FGFR1: variants seen among roughly 807,000 people sequenced by gnomAD.
FGFR1 encodes the protein FGFR1/PLAG1 fusion.
FGFR1 carries 18 observed loss-of-function variants against 93.7 expected under a neutral mutation model. The ratio of observed to expected loss-of-function variants is 0.19; its 90% CI spans 0.13 to 0.28. FGFR1 has a LOEUF of 0.28. Ranked by LOEUF, FGFR1 falls within the 10% of genes least tolerant of loss-of-function variation. FGFR1 has a pLI of 1.00. For synonymous variants in FGFR1, 448 were observed against 429.3 expected (o/e 1.04, Z -0.54); for missense variants, 731 against 1,080.4 (o/e 0.68, Z 4.53).
chr8:38,465,897 A>AATT (rs1835385673), intron 1 of FGFR1: 1 of 224,698 alleles, frequency 4.5e-6, no homozygotes, highest in Non-Finnish European at 8.9e-6. Flanking sequence ...CAGTCACCTT[A>AATT]ATTACCACGT....
chr8:38,458,300 G>A (rs1182460049), intron 1 of FGFR1, among the ~76,000 whole-genome samples: 2 of 152,136 alleles, frequency 1.3e-5, no homozygotes, highest in African/African-American at 4.8e-5. Context: ...CAGCACTTCG[G>A]GAGGCTAAGG....
chr8:38,454,931 T>C (rs1316525038), intron 2 of FGFR1, among the ~76,000 whole-genome samples: 1 of 151,988 alleles, frequency 6.6e-6, no homozygotes, highest in Non-Finnish European at 1.5e-5. Flanking sequence ...ACTTTTCAAG[T>C]TTCCCAGCAT....
intron 1 of FGFR1, 45 bp from the exon 2 acceptor site, chr8:38,457,579 G>C (rs2151355801): frequency 2.6e-6 from 4 of 1,532,940 alleles, no homozygotes; most frequent in Non-Finnish European, 3.5e-6. Context: ...GGTCTAGGTA[G>C]GGGAGGGGAA....
At chr8:38,423,277 A>T in intron 7 of FGFR1, 2 of 606,702 alleles carry the variant, frequency 3.3e-6, no homozygotes, top group Non-Finnish European at 6.1e-6. Context: ...GAGCGAAGGG[A>T]GATGTTAAGT....
rs1416395686 is a variant in FGFR1, at chr8:38,419,622, T to C, written c.1195A>G (p.Met399Val). The C allele has an allele frequency of 6.2e-7, 1 of 1,613,918 alleles. No homozygotes were observed. The highest frequency in any genetic ancestry group is 8.5e-7 in the Non-Finnish European group (1 of 1,180,008). The change falls in exon 9 of 18, where the codon ATG (methionine) becomes GTG (valine). Residue 399 changes from methionine to valine, a missense_variant. This residue lies in a region of FGFR1 where 146 missense variants were observed against 173.0 expected (regional missense o/e 0.84). Transcript: ENST00000447712. ...CMVGSVIVYK[M>V]KSGTKKSDFH... ...TCACTCTTCTTGGTACCACTCTTCA[T>C]CTTGTAGACGATGACCGACCCCACC...
chr8:38,417,331 G>A lies in FGFR1; in HGVS notation c.1638C>T (p.Asn546=), dbSNP rs779707422. 5 of 1,613,628 alleles carry A rather than the reference G, an allele frequency of 3.1e-6. No homozygotes were observed. Among genetic ancestry groups the A allele is most frequent in the East Asian group, 2.2e-5 (1 of 44,884 alleles). Residue 546 remains asparagine (N), a synonymous_variant, in exon 12 of 18, where the codon AAC becomes AAT. Transcript: ENST00000447712. ...CATCCTGCGTGCAGGCCCCCAGCAG[G>A]TTGATGATATTCTTATGCTTCCCGA... ...KMIGKHKNII[N]LLGACTQDGP... is the part of the protein sequence containing the mutation.
intron 9 of FGFR1, 48 bp downstream of exon 9, chr8:38,419,485 C>G (rs1461986770): frequency 6.5e-7 from 1 of 1,535,876 alleles, no homozygotes. Flanking sequence ...GCATTAGAGG[C>G]CCAGAGAGAG....
At chr8:38,447,587 T>G (rs771077427) in intron 2 of FGFR1, among the ~76,000 whole-genome samples, 3 of 152,174 alleles carry the variant, frequency 2.0e-5, no homozygotes, top group Non-Finnish European at 2.9e-5. Flanking sequence ...GTTCAAGCTA[T>G]TCTCCTGCCT....
chr8:38,418,118 G>A (rs1477215255), intron 10 of FGFR1, 110 bp downstream of exon 10: 23 of 1,603,574 alleles, frequency 1.4e-5, no homozygotes, highest in Non-Finnish European at 2.0e-5. Flanking sequence ...TGTTTCTGCA[G>A]GCATTTCATG....
chr8:38,415,801 C>G (rs750599280), intron 13 of FGFR1, 69 bp downstream of exon 13: 1 of 1,484,630 alleles, frequency 6.7e-7, no homozygotes, highest in East Asian at 2.3e-5. Flanking sequence ...TGATAAGTCA[C>G]AGGCTGGAAG....
rs1044453270 is a variant in FGFR1 at position 38,431,424 on chromosome 8, C to A, written c.92-1476G>T. 3.3e-5 allele frequency among the ~76,000 whole-genome samples: 5 copies of A among 152,208 alleles called. 1 individual carries two copies. In the South Asian group the frequency reaches 1.0e-3, roughly 32 times the overall value. ...CCCCAGCACCTACTACGATGCCTGG[C>A]GCCCAGGAGTTGCTCAAGAAATGCT... is the stretch of plus-strand genomic sequence containing the variant. On this transcript the variant is annotated intron_variant, in intron 2 of 17. Transcript: ENST00000447712.
chr8:38,448,582 C>T (rs1830114687), intron 2 of FGFR1, among the ~76,000 whole-genome samples: 1 of 152,082 alleles, frequency 6.6e-6, no homozygotes, highest in African/African-American at 2.4e-5. Flanking sequence ...CTATAGAGAA[C>T]TTTGCTCTAG....
chr8:38,429,727 T>G lies in FGFR1; in HGVS notation c.313A>C (p.Ser105Arg), dbSNP rs2150956842. ...TAGGTGGTGTCACTGCCCGAGGGGC[T>G]GCTGGTTACGCAAGCATAGAGGCCG... ...DSGLYACVTS[S>R]PSGSDTTYFS... is the part of the protein sequence containing the mutation. Residue 105 changes from serine to arginine, a missense_variant, in exon 3 of 18, where the codon AGC (serine) becomes CGC (arginine). Around this residue, in one of 10 missense-constraint regions of FGFR1, gnomAD observed 212 missense variants for 205.8 expected, o/e 1.03. Coordinates refer to ENST00000447712, the MANE Select transcript of FGFR1 (RefSeq NM_023110.3). This position sits in a 1 kb window ranked among gnomAD's most constrained non-coding sequence, Gnocchi z 4.4. The G allele has an allele frequency of 6.3e-7, 1 of 1,580,906 alleles. No homozygotes were observed. The highest frequency in any genetic ancestry group is 8.6e-7 in the Non-Finnish European group (1 of 1,163,092).
In FGFR1 at chr8:38,411,494, CAG is replaced by C. The variant is rs1814405591; in HGVS notation, c.*2132_*2133del. On this transcript the variant is annotated 3_prime_UTR_variant, in exon 18 of 18. Coordinates refer to ENST00000447712, the MANE Select transcript of FGFR1 (RefSeq NM_023110.3). The stretch of plus-strand genomic sequence containing the variant: ...TTGTAATGTTAGCAGGTGCTATTTA[CAG>C]AGAGAAACAAAGAGAATTTTACAAT... 4.4e-6 allele frequency: 1 copy of C among 227,854 alleles called. No individual in the cohort carries two copies. Among genetic ancestry groups the C allele is most frequent in the African/African-American group, 2.2e-5 (1 of 45,014 alleles). 14.1% of individuals were successfully genotyped at this position (227,854 alleles called of 1,614,324 possible).
intron 2 of FGFR1, chr8:38,430,902 T>A (rs1177505895): frequency 6.6e-6 from 1 of 152,308 alleles, no homozygotes; most frequent in Non-Finnish European, 1.5e-5. Flanking sequence ...AGAAGGCCCG[T>A]GGCCCGGACA....
rs148331591 is a variant in FGFR1 at position 38,422,240 on chromosome 8, A to T, written c.937-299T>A. 12 of 482,330 alleles carry T rather than the reference A, an allele frequency of 2.5e-5. No individual in the cohort carries two copies. The East Asian group carries it at 4.0e-4, about 16-fold the overall frequency. The allele number at this position is 482,330 out of a possible 1,614,324, so 29.9% of individuals were successfully genotyped here. A position where few individuals can be genotyped will look rare whatever the true frequency, so the allele number is the denominator to read the frequency against. On this transcript the variant is annotated intron_variant, in intron 7 of 17. Transcript: ENST00000447712. ...CATGCGGGCGGTGAGCGGCATGGAG[A>T]AATGGGGCCGGCGGGCAGGGGCTGT...
chr8:38,420,607 G>A (rs1296602832), intron 8 of FGFR1, among the ~76,000 whole-genome samples: 1 of 151,960 alleles, frequency 6.6e-6, no homozygotes, highest in Non-Finnish European at 1.5e-5. Flanking sequence ...CCTTCAGCAC[G>A]AGAGGCTGGG....
chr8:38,414,826 G>A lies in FGFR1; in HGVS notation c.1930C>T (p.Leu644Phe), dbSNP rs2150562085. Residue 644 changes from leucine to phenylalanine, a missense_variant, in exon 14 of 18, where the codon CTC (leucine) becomes TTC (phenylalanine). Leu to Phe is a conservative substitution (Grantham distance 22). Transcript: ENST00000447712. ...TCGATGTGGTGAATGTCCCGTGCGAGGCCAAAGTCTGCTATCTTCATCACA... is the reference window on the plus strand; with the variant it reads ...TCGATGTGGTGAATGTCCCGTGCGAAGCCAAAGTCTGCTATCTTCATCACA... ...DNVMKIADFGLARDIHHIDYY... is the reference protein window; with the variant it reads ...DNVMKIADFGFARDIHHIDYY... 2 of 1,613,926 alleles carry A rather than the reference G, an allele frequency of 1.2e-6. No homozygotes were observed. The highest frequency in any genetic ancestry group is 1.7e-6 in the Non-Finnish European group (2 of 1,180,022).
intron 16 of FGFR1, 54 bp downstream of exon 16, chr8:38,414,098 C>T (rs1815403388): frequency 6.2e-7 from 1 of 1,613,990 alleles, no homozygotes; most frequent in Admixed American, 1.7e-5. Flanking sequence ...GCCCCTCAAG[C>T]CCACTCTTGC....
Sources: allele counts gnomAD v4.1 joint callset (sites outside exome capture counted in the v4.1 genomes callset), GRCh38; gene constraint gnomAD v4.1.1; regional missense constraint gnomAD v4.1.1; non-coding constraint Gnocchi (gnomAD v3.1); transcripts MANE v1.5; gene names NCBI Gene and HGNC (gene_info 2026-07-23, HGNC 2026-07-21).